Variants in PHF2 observed in about 807,000 individuals in gnomAD.
PHF2 encodes PHD finger protein 2, also known as lysine-specific demethylase PHF2.
In PHF2, 27 loss-of-function variants were observed where a neutral mutation model predicts 120.5. That is an observed-to-expected ratio of 0.22 (90% CI 0.17 to 0.31). The LOEUF (loss-of-function observed/expected upper bound fraction) is 0.31. PHF2 is among the 10% of genes least tolerant of loss of function. PHF2 has a pLI of 1.00. For missense variants in PHF2, 1,024 were observed against 1,434.8 expected, an observed-to-expected ratio of 0.71 and a Z score of 4.63; for synonymous variants, 568 against 592.5, an observed-to-expected ratio of 0.96 and a Z score of 0.60.
intron 1 of PHF2, among the ~76,000 whole-genome samples, chr9:93,597,651 G>T (rs1825359802): frequency 6.6e-6 from 1 of 152,132 alleles, no homozygotes; most frequent in African/African-American, 2.4e-5. Context: ...TACTGCCAGG[G>T]AGGAGCCTGG....
intron 1 of PHF2, among the ~76,000 whole-genome samples, chr9:93,607,919 AGAGAGAGAGAGGGAAAGAGAT>A (rs1825568888): frequency 7.2e-6 from 1 of 138,286 alleles, no homozygotes; most frequent in Admixed American, 7.7e-5. Flanking sequence ...GAAAGAGATG[AGAGAGAGAGAGGGAAAGAGAT>A]GAGAGAGAGA....
rs368912821 is a variant in PHF2 at position 93,629,855 on chromosome 9, C to T, written c.99-115C>T. ...ACACTGTCCCTGCACAGCTGTGCTCCATCTGGCCCAGGTTCCCAGACAATG... is the reference window on the plus strand; with the variant it reads ...ACACTGTCCCTGCACAGCTGTGCTCTATCTGGCCCAGGTTCCCAGACAATG... On this transcript the variant is annotated intron_variant, in intron 1 of 21. Coordinates refer to ENST00000359246, the MANE Select transcript of PHF2 (RefSeq NM_005392.4). The T allele has an allele frequency of 1.3e-5, 12 of 952,386 alleles. No homozygotes were observed. In the African/African-American group the frequency reaches 1.6e-4, roughly 13 times the overall value. 59.0% of individuals were successfully genotyped at this position (952,386 alleles called of 1,614,324 possible).
intron 20 of PHF2, 21 bp from the exon 21 acceptor site, chr9:93,676,573 C>A (rs1276713612): frequency 1.9e-6 from 3 of 1,572,686 alleles, no homozygotes; most frequent in Non-Finnish European, 1.7e-6. Context: ...TCTGAGGCTG[C>A]CCTGCATGTT....
rs375607589 is a variant in PHF2 at position 93,660,545 on chromosome 9, G to C, written c.1683G>C (p.Pro561=). The C allele has an allele frequency of 1.9e-6, 3 of 1,566,142 alleles. No homozygotes were observed. The highest frequency in any genetic ancestry group is 2.6e-6 in the Non-Finnish European group (3 of 1,160,794). ...AGGAGGCACTGACCAAGATGGAGCC[G>C]CCCAAGAAGGGCAAGGTGGGACCCC... ...HTKEALTKME[P]PKKGKATKSV... The change falls in exon 12 of 22, where the codon CCG becomes CCC. Residue 561 remains proline, a synonymous_variant. Coordinates refer to ENST00000359246, the MANE Select transcript of PHF2 (RefSeq NM_005392.4).
chr9:93,648,966 G>C, intron 4 of PHF2, 105 bp from the exon 5 acceptor site: 1 of 1,298,174 alleles, frequency 7.7e-7, no homozygotes, highest in African/African-American at 1.5e-5. Flanking sequence ...AGCTCCTGCT[G>C]TGTGTGAGGG....
chr9:93,665,957 C>T (rs1313232817), intron 15 of PHF2, 33 bp from the exon 16 acceptor site: 1 of 1,612,592 alleles, frequency 6.2e-7, no homozygotes, highest in Non-Finnish European at 8.5e-7. Flanking sequence ...CCCGCAAGGC[C>T]TCCCGCTGGA....
intron 17 of PHF2, among the ~76,000 whole-genome samples, chr9:93,671,976 ATGTGGGTGTGGG>A (rs1826803210): frequency 1.5e-5 from 1 of 66,380 alleles, no homozygotes; most frequent in Non-Finnish European, 3.1e-5. Flanking sequence ...GTAGATGCAG[ATGTGGGTGTGGG>A]AGTAGGGTCA....
chr9:93,612,911 C>T (rs1825660901), intron 1 of PHF2, among the ~76,000 whole-genome samples: 1 of 152,220 alleles, frequency 6.6e-6, no homozygotes, highest in African/African-American at 2.4e-5. Context: ...CTTGTTTGCT[C>T]ACAGATGGGG....
chr9:93,580,901 G>C (rs1457033599), intron 1 of PHF2, among the ~76,000 whole-genome samples: 5 of 152,142 alleles, frequency 3.3e-5, no homozygotes, highest in Non-Finnish European at 7.3e-5. Flanking sequence ...GGTTTTGACT[G>C]TCCCCCGTGT....
chr9:93,677,525 A>G lies in PHF2; in HGVS notation c.3203-63A>G. On this transcript the variant is annotated intron_variant, in intron 21 of 21. Coordinates refer to ENST00000359246, the MANE Select transcript of PHF2 (RefSeq NM_005392.4). This position sits in a 1 kb window ranked among gnomAD's most constrained non-coding sequence, Gnocchi z 4.4. ...CAGCGGGACCCTCCCCCCCACCGGC[A>G]TGCCACGCCCCTTGCCATCTAGCTT... 3.2e-6 allele frequency: 4 copies of G among 1,247,862 alleles called. No homozygotes were observed. The highest frequency in any genetic ancestry group is 4.7e-6 in the Non-Finnish European group (4 of 857,526). 77.3% of individuals were successfully genotyped at this position (1,247,862 alleles called of 1,614,324 possible). A position where few individuals can be genotyped will look rare whatever the true frequency, so the allele number is the denominator to read the frequency against.
intron 4 of PHF2, among the ~76,000 whole-genome samples, chr9:93,648,367 T>A (rs1457148353): frequency 6.6e-6 from 1 of 152,226 alleles, no homozygotes; most frequent in African/African-American, 2.4e-5. Flanking sequence ...TGCTTTCATC[T>A]GTGGGGAGGC....
chr9:93,671,600 T>G (rs370255360), intron 17 of PHF2, among the ~76,000 whole-genome samples: 2 of 59,264 alleles, frequency 3.4e-5, no homozygotes, highest in African/African-American at 6.4e-5. Context: ...GGGAGTAGGG[T>G]CAGGTGTAGA....
At chr9:93,663,691 A>G (rs913310595) in intron 14 of PHF2, 56 bp downstream of exon 14, 5 of 934,220 alleles carry the variant, frequency 5.4e-6, no homozygotes, top group Non-Finnish European at 8.6e-6. Flanking sequence ...CATCACACAC[A>G]CCATACATAC....
chr9:93,582,479 C>T (rs1862950019), intron 1 of PHF2, among the ~76,000 whole-genome samples: 1 of 152,184 alleles, frequency 6.6e-6, no homozygotes, highest in Non-Finnish European at 1.5e-5. Flanking sequence ...TGTAGTGCCT[C>T]CCTCTCTGCA....
chr9:93,616,113 A>G (rs1336552895), intron 1 of PHF2, among the ~76,000 whole-genome samples: 1 of 152,236 alleles, frequency 6.6e-6, no homozygotes, highest in Non-Finnish European at 1.5e-5. Flanking sequence ...AAAGACTTGT[A>G]CAACCCATTG....
chr9:93,577,038 C>T (rs1862833212), intron 1 of PHF2, among the ~76,000 whole-genome samples, 167 bp downstream of exon 1: 1 of 145,892 alleles, frequency 6.9e-6, no homozygotes, highest in Middle Eastern at 3.5e-3. Context: ...TGCCGGGCCG[C>T]GCGCCCTTTT....
At chr9:93,663,376 T>C in intron 13 of PHF2, 141 bp from the exon 14 acceptor site, 1 of 681,488 alleles carries the variant, frequency 1.5e-6, no homozygotes, top group Non-Finnish European at 2.6e-6. Flanking sequence ...CACCCCGCAG[T>C]GGCCCGGGTG....
rs1008914354 is a variant in PHF2 at position 93,649,052 on chromosome 9, C to A, written c.461-19C>A. 1 of 1,550,340 alleles carries A rather than the reference C, an allele frequency of 6.5e-7. No homozygotes were observed. Among genetic ancestry groups the A allele is most frequent in the African/African-American group, 1.4e-5 (1 of 72,898 alleles). The stretch of plus-strand genomic sequence containing the variant: ...GCCGCCTTCCCAGGGTGCTCAAGCT[C>A]CTCCCACCACCTCCCTAGGGCCGGA... On this transcript the variant is annotated intron_variant, in intron 4 of 21. Coordinates refer to ENST00000359246, the MANE Select transcript of PHF2 (RefSeq NM_005392.4).
At chr9:93,655,042 AAGG>A (rs1183759665) in intron 7 of PHF2, among the ~76,000 whole-genome samples, 3 of 152,206 alleles carry the variant, frequency 2.0e-5, no homozygotes, top group Non-Finnish European at 4.4e-5. Flanking sequence ...GTCTGTGCTG[AAGG>A]AGAAGGCCCG....
Sources: allele counts gnomAD v4.1 joint callset (sites outside exome capture counted in the v4.1 genomes callset), GRCh38; gene constraint gnomAD v4.1.1; non-coding constraint Gnocchi (gnomAD v3.1); transcripts MANE v1.5; gene names NCBI Gene and HGNC (gene_info 2026-07-23, HGNC 2026-07-21).